ITGBL1: variants seen among roughly 807,000 people sequenced by gnomAD.
The protein encoded by ITGBL1 is integrin subunit beta like 1.
In ITGBL1, 51 loss-of-function variants were observed where a neutral mutation model predicts 68.5. The ratio of observed to expected loss-of-function variants is 0.74; its 90% CI spans 0.59 to 0.94. The LOEUF (loss-of-function observed/expected upper bound fraction) is 0.94, where lower values mean the gene tolerates loss of function less well. Ranked by LOEUF, ITGBL1 falls within the 40% of genes least tolerant of loss-of-function variation. The probability of loss-of-function intolerance (pLI) is 0.00; values close to 1 mark genes in which losing one functional copy is unlikely to be tolerated. For synonymous variants in ITGBL1, 209 were observed against 227.3 expected (o/e 0.92, Z 0.72); for missense variants, 649 against 647.4 (o/e 1.00, Z -0.03).
chr13:101,591,540 T>A (rs1249567228), intron 6 of ITGBL1, among the ~76,000 whole-genome samples: 1 of 152,024 alleles, frequency 6.6e-6, no homozygotes, highest in Non-Finnish European at 1.5e-5. Flanking sequence ...TATGATTTTG[T>A]GATTTTTTTT....
At position 101,567,760 on chromosome 13, in the gene ITGBL1, C is replaced by T. The variant is rs747886319; in HGVS notation, c.378C>T (p.Cys126=). The T allele has an allele frequency of 6.2e-7, 1 of 1,613,238 alleles. No individual in the cohort carries two copies. The highest frequency in any genetic ancestry group is 8.5e-7 in the Non-Finnish European group (1 of 1,179,416). The change falls in exon 3 of 11, where the codon TGC becomes TGT. Residue 126 remains cysteine, a synonymous_variant. Coordinates refer to ENST00000376180, the MANE Select transcript of ITGBL1 (RefSeq NM_004791.3). Reference sequence around the variant, plus strand: ...ACCAGGGATGGTATGGGGATGCTTGCCAGTACCCAACTAACTGTGACTTGA... The same window carrying T: ...ACCAGGGATGGTATGGGGATGCTTGTCAGTACCCAACTAACTGTGACTTGA... ...KCDQGWYGDA[C]QYPTNCDLTK...
intron 3 of ITGBL1, among the ~76,000 whole-genome samples, chr13:101,569,805 C>G (rs2050244324): frequency 6.6e-6 from 1 of 152,114 alleles, no homozygotes; most frequent in South Asian, 2.1e-4. Context: ...CATCTGGAAG[C>G]ACATGATGTC....
chr13:101,592,171 C>G (rs1313926611), intron 6 of ITGBL1, among the ~76,000 whole-genome samples: 1 of 152,060 alleles, frequency 6.6e-6, no homozygotes, highest in Non-Finnish European at 1.5e-5. Flanking sequence ...TCTTTGCAAA[C>G]TGTATATTCA....
chr13:101,663,384 T>C (rs189976637), intron 7 of ITGBL1, among the ~76,000 whole-genome samples: 1 of 152,256 alleles, frequency 6.6e-6, no homozygotes, highest in East Asian at 1.9e-4. Flanking sequence ...CTAGTCTCTT[T>C]GTGCAGAAAA....
At chr13:101,563,524 A>G (rs1008040005) in intron 2 of ITGBL1, among the ~76,000 whole-genome samples, 5 of 151,938 alleles carry the variant, frequency 3.3e-5, no homozygotes, top group African/African-American at 1.2e-4. Context: ...AAGCAAGTCT[A>G]TGCCTGTTAA....
intron 2 of ITGBL1, among the ~76,000 whole-genome samples, chr13:101,535,305 T>C (rs2049553489): frequency 6.6e-6 from 1 of 152,074 alleles, no homozygotes. Context: ...ACTCTGATGT[T>C]ACCCAGACAT....
intron 7 of ITGBL1, among the ~76,000 whole-genome samples, chr13:101,634,792 T>C (rs1288246884): frequency 6.6e-6 from 1 of 151,936 alleles, no homozygotes; most frequent in East Asian, 1.9e-4. Flanking sequence ...AAGAAAATGA[T>C]AAAAGAAGAG....
intron 7 of ITGBL1, among the ~76,000 whole-genome samples, chr13:101,690,795 T>C (rs1193798374): frequency 1.3e-5 from 2 of 152,226 alleles, no homozygotes; most frequent in African/African-American, 4.8e-5. Context: ...TGGATCCTTC[T>C]GACATTTTAC....
chr13:101,591,231 G>A (rs986027494), intron 6 of ITGBL1, among the ~76,000 whole-genome samples: 4 of 151,912 alleles, frequency 2.6e-5, no homozygotes, highest in Non-Finnish European at 5.9e-5. Flanking sequence ...ATGAATGAAT[G>A]GCAAAAGCCA....
intron 2 of ITGBL1, among the ~76,000 whole-genome samples, chr13:101,525,398 AAGTT>A (rs1326259245): frequency 6.6e-6 from 1 of 152,084 alleles, no homozygotes; most frequent in Non-Finnish European, 1.5e-5. Context: ...ACTATAAAAA[AAGTT>A]AGTTGGGGTC....
intron 2 of ITGBL1, among the ~76,000 whole-genome samples, chr13:101,542,157 A>G (rs1273181353): frequency 2.6e-5 from 4 of 152,150 alleles, no homozygotes; most frequent in Admixed American, 6.5e-5. Context: ...TAGGGTGTCA[A>G]TGTTAGATCT....
At chr13:101,698,347 CT>C (rs2034050579) in intron 8 of ITGBL1, among the ~76,000 whole-genome samples, 2 of 152,186 alleles carry the variant, frequency 1.3e-5, no homozygotes, top group Non-Finnish European at 2.9e-5. Context: ...TGTTTATCCC[CT>C]TTCCTACCAA....
At chr13:101,712,301 CT>C (rs2034506508) in intron 9 of ITGBL1, 1 of 152,140 alleles carries the variant, frequency 6.6e-6, no homozygotes, top group African/African-American at 2.4e-5. Context: ...ATTTTTTATT[CT>C]AAGTATTTCA....
chr13:101,520,883 G>A (rs918611763), intron 2 of ITGBL1, among the ~76,000 whole-genome samples: 1 of 152,180 alleles, frequency 6.6e-6, no homozygotes, highest in African/African-American at 2.4e-5. Context: ...TTGGTGGCAA[G>A]GGCCTGAGAA....
chr13:101,494,963 G>T (rs1281763760), intron 2 of ITGBL1, among the ~76,000 whole-genome samples: 1 of 152,128 alleles, frequency 6.6e-6, no homozygotes, highest in African/African-American at 2.4e-5. Flanking sequence ...CAAAGAATAG[G>T]AATGCGTTAG....
intron 2 of ITGBL1, among the ~76,000 whole-genome samples, chr13:101,482,573 A>G (rs978526457): frequency 1.3e-5 from 2 of 152,132 alleles, no homozygotes; most frequent in Non-Finnish European, 2.9e-5. Flanking sequence ...TGAAATGGAA[A>G]ACACCCTAAA....
chr13:101,516,028 C>A (rs1167599349), intron 2 of ITGBL1, among the ~76,000 whole-genome samples: 1 of 152,038 alleles, frequency 6.6e-6, no homozygotes, highest in East Asian at 1.9e-4. Flanking sequence ...TGTTGTGTTG[C>A]AGAAGAAAAT....
rs547151828 is a variant in ITGBL1, at chr13:101,456,276, C to T, written c.316+2176C>T. 3.3e-5 allele frequency among the ~76,000 whole-genome samples: 5 copies of T among 152,296 alleles called. No homozygotes were observed. The South Asian group carries it at 8.3e-4, about 25-fold the overall frequency. On this transcript the variant is annotated intron_variant, in intron 2 of 10. Coordinates refer to ENST00000376180, the MANE Select transcript of ITGBL1 (RefSeq NM_004791.3). ...CTGATGCCCATCAAAACTTACTCTACAGGGCCTTGAGCAGAATCTGTCCCC... is the reference window on the plus strand; with the variant it reads ...CTGATGCCCATCAAAACTTACTCTATAGGGCCTTGAGCAGAATCTGTCCCC...
chr13:101,657,756 T>A (rs2032972415), intron 7 of ITGBL1, among the ~76,000 whole-genome samples: 1 of 152,230 alleles, frequency 6.6e-6, no homozygotes, highest in African/African-American at 2.4e-5. Flanking sequence ...ATACCTAGAA[T>A]GCTGCACATG....
Sources: allele counts gnomAD v4.1 joint callset (sites outside exome capture counted in the v4.1 genomes callset), GRCh38; gene constraint gnomAD v4.1.1; transcripts MANE v1.5; gene names NCBI Gene and HGNC (gene_info 2026-07-23, HGNC 2026-07-21).